Variants in FRMD4A observed in about 807,000 individuals in gnomAD.
The protein encoded by FRMD4A is FERM domain-containing protein 4A.
In FRMD4A, 29 loss-of-function variants were observed where a neutral mutation model predicts 129.1. The observed-to-expected ratio is 0.22, with a 90% CI of 0.17 to 0.31. FRMD4A has a LOEUF of 0.31. Ranked by LOEUF, FRMD4A falls within the 10% of genes least tolerant of loss-of-function variation. The pLI is 1.00. For missense variants in FRMD4A, 1,272 were observed against 1,375.8 expected (o/e 0.92, Z 1.19); for synonymous variants, 634 against 571.6 (o/e 1.11, Z -1.56).
chr10:13,678,422 G>A (rs1370756460), intron 15 of FRMD4A, among the ~76,000 whole-genome samples: 1 of 152,220 alleles, frequency 6.6e-6, no homozygotes, highest in Non-Finnish European at 1.5e-5. Context: ...TGGATAGAGG[G>A]TAAAACAGAT....
intron 3 of FRMD4A, among the ~76,000 whole-genome samples, chr10:13,819,599 A>C (rs1217465740): frequency 1.3e-5 from 2 of 152,026 alleles, no homozygotes; most frequent in Non-Finnish European, 2.9e-5. Flanking sequence ...TACCCATCCC[A>C]GTCACTGGAA....
At chr10:14,103,777 A>T (rs1837433687) in intron 2 of FRMD4A, among the ~76,000 whole-genome samples, 1 of 152,208 alleles carries the variant, frequency 6.6e-6, no homozygotes, top group Non-Finnish European at 1.5e-5. Flanking sequence ...TGGAATAATT[A>T]GTTGGAAGGT....
chr10:14,294,414 T>C (rs540986814), intron 2 of FRMD4A, among the ~76,000 whole-genome samples: 3 of 152,192 alleles, frequency 2.0e-5, no homozygotes, highest in African/African-American at 4.8e-5. Flanking sequence ...AGGCTTGACA[T>C]AGATACAATA....
chr10:13,645,128 A>G lies in FRMD4A; in HGVS notation c.*1910T>C, dbSNP rs2081041595. The G allele has an allele frequency of 6.6e-6, 1 of 151,818 alleles. No homozygotes were observed. Among genetic ancestry groups the G allele is most frequent in the Admixed American group, 6.6e-5 (1 of 15,258 alleles). 9.4% of individuals were successfully genotyped at this position (151,818 alleles called of 1,614,324 possible). On this transcript the variant is annotated 3_prime_UTR_variant, in exon 25 of 25. Transcript: ENST00000357447. ...GTGGTCTCCAGGCTGCAGCAGAAGGAATACCTTGGTATTTGTTTCATTTTA... is the reference window on the plus strand; with the variant it reads ...GTGGTCTCCAGGCTGCAGCAGAAGGGATACCTTGGTATTTGTTTCATTTTA...
intron 2 of FRMD4A, among the ~76,000 whole-genome samples, chr10:14,159,831 C>T (rs766348277): frequency 3.0e-4 from 45 of 152,174 alleles, no homozygotes; most frequent in Non-Finnish European, 5.1e-4. Flanking sequence ...AGGCGGATTG[C>T]CTGAGCTGAG....
intron 2 of FRMD4A, among the ~76,000 whole-genome samples, chr10:14,151,348 G>T (rs550335151): frequency 1.7e-4 from 26 of 152,168 alleles, no homozygotes; most frequent in Non-Finnish European, 3.2e-4. Context: ...ATGAAATCAT[G>T]TTCTTTGCAG....
chr10:13,708,440 C>T (rs148303218), intron 12 of FRMD4A, among the ~76,000 whole-genome samples: 151 of 152,348 alleles, frequency 9.9e-4, no homozygotes, highest in Non-Finnish European at 1.9e-3. Context: ...AATCTGCTCT[C>T]TGGAATTTTA....
At chr10:13,830,108 G>T (rs945717045) in intron 3 of FRMD4A, among the ~76,000 whole-genome samples, 3 of 152,112 alleles carry the variant, frequency 2.0e-5, no homozygotes, top group African/African-American at 7.2e-5. Flanking sequence ...GAGATAACGC[G>T]CTTTACATTC....
chr10:14,239,428 C>T (rs1843951889), intron 2 of FRMD4A, among the ~76,000 whole-genome samples: 1 of 152,098 alleles, frequency 6.6e-6, no homozygotes. Flanking sequence ...GAGATCAAGA[C>T]CATCCTGGCT....
chr10:14,055,785 G>T (rs978658707), intron 2 of FRMD4A, among the ~76,000 whole-genome samples: 1 of 152,230 alleles, frequency 6.6e-6, no homozygotes, highest in Non-Finnish European at 1.5e-5. Context: ...TCACATCATG[G>T]AGAATGGGGT....
intron 15 of FRMD4A, among the ~76,000 whole-genome samples, chr10:13,683,713 T>TA (rs1470946562): frequency 2.3e-5 from 1 of 44,038 alleles, no homozygotes; most frequent in Non-Finnish European, 8.7e-5. Flanking sequence ...TCACATCCAG[T>TA]TTTTTTTTTT....
At chr10:14,257,781 G>A (rs576536694) in intron 2 of FRMD4A, among the ~76,000 whole-genome samples, 10 of 152,346 alleles carry the variant, frequency 6.6e-5, no homozygotes, top group African/African-American at 2.2e-4. Flanking sequence ...GAAGCTAGAA[G>A]AGAAAAGAAA....
At chr10:14,150,604 T>C (rs1329980977) in intron 2 of FRMD4A, among the ~76,000 whole-genome samples, 2 of 152,020 alleles carry the variant, frequency 1.3e-5, no homozygotes, top group African/African-American at 2.4e-5. Flanking sequence ...CAGAATGGAG[T>C]ATTTTCTTTA....
At chr10:13,900,892 G>A (rs945574360) in intron 2 of FRMD4A, among the ~76,000 whole-genome samples, 3 of 151,570 alleles carry the variant, frequency 2.0e-5, no homozygotes, top group Non-Finnish European at 2.9e-5. Context: ...GCGAGATTCC[G>A]TCTCTAAAAT....
At chr10:14,083,851 C>T (rs1178645386) in intron 2 of FRMD4A, 1 of 152,172 alleles carries the variant, frequency 6.6e-6, no homozygotes, top group Non-Finnish European at 1.5e-5. Context: ...AACGGGTAGA[C>T]ACCTTCTCCC....
intron 3 of FRMD4A, among the ~76,000 whole-genome samples, chr10:13,822,526 A>G (rs2093644954): frequency 6.6e-6 from 1 of 152,192 alleles, no homozygotes; most frequent in Non-Finnish European, 1.5e-5. Context: ...CTATTGGTAG[A>G]ATGGGACAGA....
At position 14,066,364 on chromosome 10, in the gene FRMD4A, C is replaced by T. The variant is rs1042830234; in HGVS notation, c.46-207452G>A. On this transcript the variant is annotated intron_variant, in intron 2 of 24. Coordinates refer to ENST00000357447, the MANE Select transcript of FRMD4A (RefSeq NM_018027.5). ...ACACAGGGAAGGGGTGGGTATGGAT[C>T]TGTTTCCTCAGTTCAGTGCCATAAG... Among the ~76,000 whole-genome samples the T allele has an allele frequency of 2.6e-5, 4 of 152,274 alleles. No homozygotes were observed. In the East Asian group the frequency reaches 7.7e-4, roughly 29 times the overall value.
At chr10:13,707,352 A>G in intron 12 of FRMD4A, 1 of 1,232,260 alleles carries the variant, frequency 8.1e-7, no homozygotes, top group Non-Finnish European at 1.0e-6. Context: ...TAACTGGAAC[A>G]AAACAAGTTC....
In FRMD4A at chr10:14,003,827, G is replaced by A. The variant is rs187385732; in HGVS notation, c.46-144915C>T. Among the ~76,000 whole-genome samples, 405 of 152,254 alleles carry A rather than the reference G, an allele frequency of 2.7e-3. 1 individual carries two copies. The highest frequency in any genetic ancestry group is 9.2e-3 in the African/African-American group (384 of 41,534). On this transcript the variant is annotated intron_variant, in intron 2 of 24. Transcript: ENST00000357447. ...ATCTCCAACATAAAACCATTTCCTC[G>A]TATTGCAAAGTTATAGCAGTTTAAT...
Sources: gnomAD v4.1 joint callset for allele counts (sites outside exome capture counted in the v4.1 genomes callset) on GRCh38, gnomAD v4.1.1 for gene constraint, MANE v1.5 for transcripts, NCBI Gene and HGNC (gene_info 2026-07-23, HGNC 2026-07-21) for gene names.